The following KLHL29 variants were observed in gnomAD, a reference collection of about 807,000 sequenced individuals.
KLHL29 encodes the protein kelch like family member 29, also known as kelch-like protein 29.
KLHL29 carries 21 observed loss-of-function variants against 80.4 expected under a neutral mutation model. The ratio of observed to expected loss-of-function variants is 0.26; its 90% CI spans 0.19 to 0.38. KLHL29 has a LOEUF of 0.38. Among genes scored for constraint, KLHL29 ranks in the 10% least tolerant of loss-of-function variants. KLHL29 has a pLI of 1.00. For synonymous variants in KLHL29, 511 were observed against 526.8 expected (o/e 0.97, Z 0.41); for missense variants, 867 against 1,223.9 (o/e 0.71, Z 4.35).
Position 23,669,453 on chromosome 2 carries a change from C to T in KLHL29, c.941-14946C>T, listed in dbSNP as rs72794276. ...CCACGCAGCCTCCGTTTCCCTTCCA[C>T]ACAGTCCTGCCCCACAGAGTAGATA... On this transcript the variant is annotated intron_variant, in intron 5 of 13. Coordinates refer to ENST00000486442, the MANE Select transcript of KLHL29 (RefSeq NM_052920.2). This position sits in a 1 kb window ranked among gnomAD's most constrained non-coding sequence, Gnocchi z 4.3. 0.074 allele frequency: 11,272 copies of T among 152,478 alleles called. 581 individuals carry two copies. Among genetic ancestry groups the T allele is most frequent in the East Asian group, 0.17 (854 of 5,172 alleles). 9.4% of individuals were successfully genotyped at this position (152,478 alleles called of 1,614,324 possible). A position where few individuals can be genotyped will look rare whatever the true frequency, so the allele number is the denominator to read the frequency against.
chr2:23,408,948 C>T (rs1422771771), intron 1 of KLHL29, among the ~76,000 whole-genome samples: 1 of 152,098 alleles, frequency 6.6e-6, no homozygotes, highest in Non-Finnish European at 1.5e-5. Context: ...CTGATGAGCA[C>T]CTTTCAGATA....
At chr2:23,413,884 G>C (rs1016370053) in intron 1 of KLHL29, among the ~76,000 whole-genome samples, 1 of 152,192 alleles carries the variant, frequency 6.6e-6, no homozygotes, top group Non-Finnish European at 1.5e-5. Context: ...TGTGGGGTAA[G>C]GTGGCATCAG....
At chr2:23,436,048 T>G (rs1049659005) in intron 1 of KLHL29, among the ~76,000 whole-genome samples, 1 of 152,104 alleles carries the variant, frequency 6.6e-6, no homozygotes, top group Non-Finnish European at 1.5e-5. Context: ...GCTTTTCAAA[T>G]CTCCAACTCC....
chr2:23,399,348 A>G (rs1415631819), intron 1 of KLHL29, among the ~76,000 whole-genome samples: 2 of 152,242 alleles, frequency 1.3e-5, no homozygotes, highest in South Asian at 2.1e-4. Flanking sequence ...ACTTAATGCC[A>G]CTGAACTGTA....
chr2:23,611,451 G>T (rs910977952), intron 3 of KLHL29, among the ~76,000 whole-genome samples: 1 of 152,300 alleles, frequency 6.6e-6, no homozygotes, highest in Admixed American at 6.5e-5. Flanking sequence ...CTGCCTCTCT[G>T]CTTCAAATCC....
intron 5 of KLHL29, among the ~76,000 whole-genome samples, chr2:23,679,926 G>C (rs1671028175): frequency 1.3e-5 from 2 of 152,192 alleles, no homozygotes; most frequent in Admixed American, 1.3e-4. Flanking sequence ...CTTGGAGTGG[G>C]GACGTGTGTG....
intron 2 of KLHL29, among the ~76,000 whole-genome samples, chr2:23,499,629 C>A (rs999415492): frequency 6.6e-6 from 1 of 152,156 alleles, no homozygotes; most frequent in African/African-American, 2.4e-5. Flanking sequence ...AAGTTTGAGG[C>A]GGGAAGAGGA....
At position 23,642,867 on chromosome 2, in the gene KLHL29, C is replaced by T. The variant is rs61742866; in HGVS notation, c.940+17C>T. The T allele has an allele frequency of 4.9e-3, 7,617 of 1,550,130 alleles. 300 individuals are homozygous for T. The African/African-American group carries it at 0.09, about 18-fold the overall frequency. On this transcript the variant is annotated intron_variant, in intron 5 of 13. Coordinates refer to ENST00000486442, the MANE Select transcript of KLHL29 (RefSeq NM_052920.2). ...ACCCCAGAGGTAAGTCCTGCTGCCA[C>T]GTGCCTCCCCACGGGCCTGCGTCTG...
At chr2:23,577,043 G>T (rs1667859913) in intron 3 of KLHL29, among the ~76,000 whole-genome samples, 1 of 152,224 alleles carries the variant, frequency 6.6e-6, no homozygotes, top group African/African-American at 2.4e-5. Context: ...CCTGCTGGCT[G>T]TGCCTCCAGA....
In KLHL29 at chr2:23,562,424, C is replaced by T; in HGVS notation, c.228C>T (p.Gly76=). 2 of 1,537,598 alleles carry T rather than the reference C, an allele frequency of 1.3e-6. No individual in the cohort carries two copies. The highest frequency in any genetic ancestry group is 1.2e-5 in the South Asian group (1 of 84,044). Residue 76 remains glycine, a synonymous_variant, in exon 3 of 14, where the codon GGC becomes GGT. Transcript: ENST00000486442. The surrounding 1 kb of genome is among the most constrained non-coding windows in gnomAD (Gnocchi z 4.5). ...CAGCTCCTGCTCCCTGCACCACCGG[C>T]AGCAGCGAGGCCATCACCAGCCTCG... The part of the protein sequence containing the change: ...PATAPAPCTT[G]SSEAITSLVA...
intron 5 of KLHL29, among the ~76,000 whole-genome samples, chr2:23,665,619 G>A (rs572478411): frequency 2.6e-5 from 4 of 152,250 alleles, no homozygotes; most frequent in South Asian, 4.1e-4. Context: ...CAGGCTGTAC[G>A]GGAAGCATGG....
At position 23,541,770 on chromosome 2, in the gene KLHL29, AAC is replaced by A. The variant is rs751114902; in HGVS notation, c.-45-20380_-45-20379del. ...GCTTTTAAAAAAGCCCAACCCAAAA[AAC>A]AAAAAAAAAAAAACCATAAAACTGG... On this transcript the variant is annotated intron_variant, in intron 2 of 13. Transcript: ENST00000486442. 1.4e-3 allele frequency among the ~76,000 whole-genome samples: 217 copies of A among 150,032 alleles called. 4 individuals are homozygous for A. In the South Asian group the frequency reaches 0.042, roughly 29 times the overall value.
chr2:23,608,626 G>A (rs1364447762), intron 3 of KLHL29, among the ~76,000 whole-genome samples: 1 of 152,206 alleles, frequency 6.6e-6, no homozygotes, highest in African/African-American at 2.4e-5. Context: ...GATGCTGATA[G>A]GAAGCAGATA....
chr2:23,461,444 G>A (rs1174387010), intron 1 of KLHL29, among the ~76,000 whole-genome samples: 1 of 152,186 alleles, frequency 6.6e-6, no homozygotes, highest in Non-Finnish European at 1.5e-5. Flanking sequence ...TATGCCTCTA[G>A]CCTTAAAGAG....
rs1310207157 is a variant in KLHL29, at chr2:23,503,223, A to T, written c.-46+27556A>T. On this transcript the variant is annotated intron_variant, in intron 2 of 13. Transcript: ENST00000486442. This position sits in a 1 kb window ranked among gnomAD's most constrained non-coding sequence, Gnocchi z 4.0. ...TCCTGTGAAGTAGACCTGGCAGGGG[A>T]TGGCTGCTCCGGGCTGGCCTGGGCC... 6.6e-6 allele frequency among the ~76,000 whole-genome samples: 1 copy of T among 152,040 alleles called. No individual in the cohort carries two copies. The highest frequency in any genetic ancestry group is 2.4e-5 in the African/African-American group (1 of 41,396).
intron 3 of KLHL29, among the ~76,000 whole-genome samples, chr2:23,600,064 G>A (rs1668530646): frequency 6.6e-6 from 1 of 152,206 alleles, no homozygotes. Context: ...GGAGGGAAGA[G>A]GACATGTATC....
intron 2 of KLHL29, among the ~76,000 whole-genome samples, chr2:23,489,228 C>A (rs1055483977): frequency 6.6e-6 from 1 of 152,098 alleles, no homozygotes; most frequent in Admixed American, 6.5e-5. Context: ...TGTTCCCCAG[C>A]GGGGTGCTGA....
chr2:23,637,606 A>G (rs1180530298), intron 3 of KLHL29, among the ~76,000 whole-genome samples: 1 of 152,172 alleles, frequency 6.6e-6, no homozygotes, highest in Non-Finnish European at 1.5e-5. Context: ...TCCTAATGGG[A>G]TACGGCTCCC....
At chr2:23,658,803 G>A (rs1295031551) in intron 5 of KLHL29, among the ~76,000 whole-genome samples, 1 of 152,204 alleles carries the variant, frequency 6.6e-6, no homozygotes, top group African/African-American at 2.4e-5. Context: ...CAGCCTCACT[G>A]CCTTGCGCCG....
Sources: gnomAD v4.1 joint callset for allele counts (sites outside exome capture counted in the v4.1 genomes callset) on GRCh38, gnomAD v4.1.1 for gene constraint, Gnocchi (gnomAD v3.1) non-coding constraint, MANE v1.5 for transcripts, NCBI Gene and HGNC (gene_info 2026-07-23, HGNC 2026-07-21) for gene names.